Variants in CACNB4 observed in about 807,000 individuals in gnomAD.
CACNB4 encodes voltage-dependent L-type calcium channel subunit beta-4.
In CACNB4, 32 loss-of-function variants were observed where a neutral mutation model predicts 71.2. The observed-to-expected ratio is 0.45, with a 90% CI of 0.34 to 0.60. The LOEUF (loss-of-function observed/expected upper bound fraction) is 0.60. Among genes scored for constraint, CACNB4 ranks in the 20% least tolerant of loss-of-function variants. The pLI, the probability that CACNB4 is intolerant of heterozygous loss-of-function variation, is 0.01. For synonymous variants in CACNB4, 231 were observed against 236.9 expected, an observed-to-expected ratio of 0.97 and a Z score of 0.23; for missense variants, 464 against 647.9, an observed-to-expected ratio of 0.72 and a Z score of 3.08.
chr2:152,047,181 T>C (rs1395305162), intron 2 of CACNB4, among the ~76,000 whole-genome samples: 1 of 152,220 alleles, frequency 6.6e-6, no homozygotes, highest in South Asian at 2.1e-4. Flanking sequence ...TGGTTCCCTA[T>C]AGAAACTAAA....
chr2:151,947,104 T>A (rs1049854435), intron 2 of CACNB4, among the ~76,000 whole-genome samples: 2 of 151,950 alleles, frequency 1.3e-5, no homozygotes, highest in Non-Finnish European at 2.9e-5. Context: ...AGCAACCCCA[T>A]GAAAAGAATG....
intron 3 of CACNB4, chr2:151,883,049 AG>A: frequency 1.8e-6 from 1 of 565,704 alleles, no homozygotes; most frequent in Non-Finnish European, 3.1e-6. Context: ...AAATACAAAA[AG>A]GTGAAGGTTC....
chr2:152,096,355 G>A (rs533355051), intron 2 of CACNB4, among the ~76,000 whole-genome samples: 1 of 152,226 alleles, frequency 6.6e-6, no homozygotes, highest in Non-Finnish European at 1.5e-5. Flanking sequence ...GTGATGGCGG[G>A]TGCCTGTAGT....
At chr2:151,988,472 C>T (rs539833015) in intron 2 of CACNB4, among the ~76,000 whole-genome samples, 1 of 152,270 alleles carries the variant, frequency 6.6e-6, no homozygotes, top group Admixed American at 6.5e-5. Flanking sequence ...TCATGCAGTG[C>T]AGCCTCATAA....
intron 9 of CACNB4, among the ~76,000 whole-genome samples, chr2:151,865,609 T>C (rs1313525038): frequency 6.6e-6 from 1 of 152,172 alleles, no homozygotes; most frequent in East Asian, 1.9e-4. Context: ...CTCATCCAAA[T>C]GGGTAATCCC....
intron 2 of CACNB4, among the ~76,000 whole-genome samples, chr2:152,070,531 C>A (rs1036159293): frequency 6.6e-6 from 1 of 151,938 alleles, no homozygotes; most frequent in Non-Finnish European, 1.5e-5. Flanking sequence ...TGGGTGTTCA[C>A]GGAAACCACA....
At chr2:152,057,001 G>A (rs983190148) in intron 2 of CACNB4, among the ~76,000 whole-genome samples, 1 of 152,104 alleles carries the variant, frequency 6.6e-6, no homozygotes, top group Non-Finnish European at 1.5e-5. Context: ...TCCTAGTCAT[G>A]TACAATCCTC....
At chr2:151,914,147 A>G (rs2099856910) in intron 2 of CACNB4, among the ~76,000 whole-genome samples, 1 of 151,988 alleles carries the variant, frequency 6.6e-6, no homozygotes, top group Admixed American at 6.5e-5. Flanking sequence ...ACGAATTCCC[A>G]TATTTCTTGG....
At chr2:151,973,703 T>C in intron 2 of CACNB4, 1 of 1,613,536 alleles carries the variant, frequency 6.2e-7, no homozygotes, top group Non-Finnish European at 8.5e-7. Flanking sequence ...CAGGTACAAA[T>C]TGTCATACAT....
Position 152,012,590 on chromosome 2 carries a change from C to T in CACNB4, c.147+85740G>A, listed in dbSNP as rs187363675. On this transcript the variant is annotated intron_variant, in intron 2 of 13. Transcript: ENST00000539935. ...CTGTGCTGCAGCCTGGAAGACAGAG[C>T]GACGCTCCATCTCAAAAAAAAAAAA... 3.2e-4 allele frequency among the ~76,000 whole-genome samples: 43 copies of T among 135,128 alleles called. 1 individual carries two copies. The East Asian group carries it at 5.9e-3, about 19-fold the overall frequency. 88.6% of individuals were successfully genotyped at this position (135,128 alleles called of 152,430 possible).
At chr2:151,984,193 T>C (rs968417349) in intron 2 of CACNB4, among the ~76,000 whole-genome samples, 3 of 152,148 alleles carry the variant, frequency 2.0e-5, no homozygotes, top group Non-Finnish European at 4.4e-5. Context: ...TGTTTTAACA[T>C]GCTTTGGAAA....
Position 151,917,920 on chromosome 2 carries a change from C to T in CACNB4, c.148-34550G>A, listed in dbSNP as rs2099857946. Among the ~76,000 whole-genome samples the T allele has an allele frequency of 2.0e-5, 3 of 151,754 alleles. 1 individual carries two copies. Among genetic ancestry groups the T allele is most frequent in the Admixed American group, 2.0e-4 (3 of 15,258 alleles). ...TCCTTCCATATGCTTTGGCTATGCA[C>T]TACTAGAAAGGCATTAAAGAGAAAG... On this transcript the variant is annotated intron_variant, in intron 2 of 13. Transcript: ENST00000539935.
At chr2:151,944,440 G>T (rs10497089) in intron 2 of CACNB4, among the ~76,000 whole-genome samples, 14,550 of 152,102 alleles carry the variant, frequency 0.096, 1,572 homozygotes, top group East Asian at 0.54. Context: ...AGTTATTTGG[G>T]TCTGATCTGG....
chr2:151,876,958 G>A (rs903402972), intron 4 of CACNB4, among the ~76,000 whole-genome samples: 2 of 144,142 alleles, frequency 1.4e-5, no homozygotes, highest in African/African-American at 5.1e-5. Flanking sequence ...AAACTATATT[G>A]TGTATGTATA....
At chr2:152,032,488 A>G (rs919732686) in intron 2 of CACNB4, among the ~76,000 whole-genome samples, 6 of 152,252 alleles carry the variant, frequency 3.9e-5, no homozygotes, top group African/African-American at 1.2e-4. Flanking sequence ...GAAAGCCACA[A>G]TTAATTACAA....
chr2:152,040,529 C>T (rs1484558355), intron 2 of CACNB4, among the ~76,000 whole-genome samples: 1 of 151,416 alleles, frequency 6.6e-6, no homozygotes, highest in Non-Finnish European at 1.5e-5. Flanking sequence ...GCAACCTCCG[C>T]CCCCTGGGTT....
intron 2 of CACNB4, among the ~76,000 whole-genome samples, chr2:152,096,327 C>T (rs1350780832): frequency 6.6e-6 from 1 of 151,766 alleles, no homozygotes; most frequent in East Asian, 2.0e-4. Flanking sequence ...ACTAAAAATA[C>T]AAAAAAGTTA....
At chr2:151,842,505 G>C (rs922652110) in intron 12 of CACNB4, among the ~76,000 whole-genome samples, 4 of 151,120 alleles carry the variant, frequency 2.6e-5, no homozygotes, top group African/African-American at 9.8e-5. Context: ...TAATTTTTTT[G>C]TATTTTTTTT....
At chr2:151,869,268 A>G in intron 8 of CACNB4, 33 bp from the exon 9 acceptor site, 1 of 1,322,652 alleles carries the variant, frequency 7.6e-7, no homozygotes, top group Non-Finnish European at 1.1e-6. Context: ...GAATGAGGCA[A>G]ACACATGCAG....
Sources: gnomAD v4.1 joint callset for allele counts (sites outside exome capture counted in the v4.1 genomes callset) on GRCh38, gnomAD v4.1.1 for gene constraint, MANE v1.5 for transcripts, NCBI Gene and HGNC (gene_info 2026-07-23, HGNC 2026-07-21) for gene names.